Variants in ASTN2 observed in about 807,000 individuals in gnomAD.
ASTN2 encodes the protein astrotactin-2.
Under a neutral mutation model 139.8 loss-of-function variants are expected in ASTN2, and 54 were observed. The ratio of observed to expected loss-of-function variants is 0.39; its 90% CI spans 0.31 to 0.48. ASTN2 has a LOEUF of 0.48. Among genes scored for constraint, ASTN2 ranks in the 20% least tolerant of loss-of-function variants. The probability of loss-of-function intolerance (pLI) is 0.95; values close to 1 mark genes in which losing one functional copy is unlikely to be tolerated. For missense variants in ASTN2, 1,565 were observed against 1,725.1 expected, an observed-to-expected ratio of 0.91 and a Z score of 1.64; for synonymous variants, 756 against 719.5, an observed-to-expected ratio of 1.05 and a Z score of -0.81.
intron 16 of ASTN2, among the ~76,000 whole-genome samples, chr9:116,690,157 A>G (rs1239049060): frequency 6.6e-6 from 1 of 152,196 alleles, no homozygotes; most frequent in Non-Finnish European, 1.5e-5. Flanking sequence ...CTAATTTCCT[A>G]TGTTACCTTG....
chr9:117,318,984 G>T (rs1587942999), intron 1 of ASTN2, among the ~76,000 whole-genome samples: 2 of 152,310 alleles, frequency 1.3e-5, no homozygotes, highest in South Asian at 2.1e-4. Context: ...AGGCCCATTT[G>T]TTTTCTACAG....
intron 11 of ASTN2, among the ~76,000 whole-genome samples, chr9:116,846,012 T>G (rs1832420073): frequency 6.6e-6 from 1 of 152,178 alleles, no homozygotes; most frequent in African/African-American, 2.4e-5. Flanking sequence ...CAATGGAATA[T>G]TATTCAGCCT....
chr9:117,165,060 G>T (rs1830639491), intron 3 of ASTN2, among the ~76,000 whole-genome samples: 1 of 151,966 alleles, frequency 6.6e-6, no homozygotes, highest in Non-Finnish European at 1.5e-5. Context: ...TCTGACTTCA[G>T]AGCCCACACT....
chr9:116,873,561 C>T (rs984155634), intron 10 of ASTN2, among the ~76,000 whole-genome samples: 22 of 152,142 alleles, frequency 1.4e-4, no homozygotes, highest in African/African-American at 5.1e-4. Flanking sequence ...GAATTTATGA[C>T]ATGAGAACTT....
intron 6 of ASTN2, among the ~76,000 whole-genome samples, chr9:117,031,810 G>C (rs1180709444): frequency 6.6e-6 from 1 of 152,128 alleles, no homozygotes; most frequent in Non-Finnish European, 1.5e-5. Context: ...CGTAAGACTG[G>C]AAAGGCGGGC....
intron 11 of ASTN2, among the ~76,000 whole-genome samples, chr9:116,838,112 TTTTGTTTTG>T (rs1564295672): frequency 6.7e-5 from 9 of 133,864 alleles, no homozygotes; most frequent in Admixed American, 1.5e-4. Context: ...TTTTTTTTTG[TTTTGTTTTG>T]TTTTTTGAGA....
At chr9:117,368,317 A>C (rs1251315894) in intron 1 of ASTN2, among the ~76,000 whole-genome samples, 1 of 152,078 alleles carries the variant, frequency 6.6e-6, no homozygotes, top group Non-Finnish European at 1.5e-5. Context: ...TCACAATTTA[A>C]TCTTATACTC....
chr9:117,037,930 A>T (rs973775520), intron 6 of ASTN2, among the ~76,000 whole-genome samples: 1 of 152,162 alleles, frequency 6.6e-6, no homozygotes, highest in Admixed American at 6.6e-5. Flanking sequence ...CTCCCCCACC[A>T]CACATTTACT....
At chr9:116,600,761 T>A (rs1367820415) in intron 19 of ASTN2, among the ~76,000 whole-genome samples, 1 of 152,192 alleles carries the variant, frequency 6.6e-6, no homozygotes, top group Non-Finnish European at 1.5e-5. Flanking sequence ...TTAAATTCCA[T>A]ACTCAGAATT....
chr9:116,616,567 T>C (rs1044440505), intron 19 of ASTN2, among the ~76,000 whole-genome samples: 2 of 152,206 alleles, frequency 1.3e-5, no homozygotes, highest in Admixed American at 6.5e-5. Flanking sequence ...ACTTACTTTA[T>C]CTGTAGAACA....
At chr9:117,241,530 G>C (rs1352964423) in intron 2 of ASTN2, among the ~76,000 whole-genome samples, 1 of 152,290 alleles carries the variant, frequency 6.6e-6, no homozygotes, top group South Asian at 2.1e-4. Context: ...CAGATCATCA[G>C]GCATGAGTTG....
At chr9:116,685,471 G>A (rs803896) in intron 16 of ASTN2, among the ~76,000 whole-genome samples, 60,019 of 151,908 alleles carry the variant, frequency 0.4, 12,782 homozygotes, top group Admixed American at 0.51. Flanking sequence ...CTAGGCAGTG[G>A]GCAAGGTAAA....
chr9:116,720,121 TCTC>T (rs1269100464), intron 16 of ASTN2, among the ~76,000 whole-genome samples: 1 of 152,042 alleles, frequency 6.6e-6, no homozygotes, highest in Non-Finnish European at 1.5e-5. Context: ...ATCATTCCCT[TCTC>T]CTCCTCCACC....
At chr9:117,246,267 C>T (rs560819379) in intron 2 of ASTN2, among the ~76,000 whole-genome samples, 31 of 152,278 alleles carry the variant, frequency 2.0e-4, no homozygotes, top group Admixed American at 7.2e-4. Context: ...CACACTTGCT[C>T]AATGTGTCAC....
chr9:116,830,592 GA>G (rs1163887822), intron 11 of ASTN2, among the ~76,000 whole-genome samples: 1 of 151,734 alleles, frequency 6.6e-6, no homozygotes, highest in African/African-American at 2.4e-5. Flanking sequence ...AGGAGTTTGA[GA>G]CCAGCCTGGC....
chr9:117,083,433 A>C (rs917826391), intron 5 of ASTN2, among the ~76,000 whole-genome samples: 10 of 152,182 alleles, frequency 6.6e-5, no homozygotes, highest in Admixed American at 3.3e-4. Context: ...TTACTTGCCC[A>C]AAATCTCCCA....
intron 16 of ASTN2, among the ~76,000 whole-genome samples, chr9:116,652,745 T>C (rs1350856486): frequency 2.0e-5 from 3 of 152,134 alleles, no homozygotes; most frequent in Non-Finnish European, 2.9e-5. Flanking sequence ...AAGACATCAT[T>C]TCTCCTTTTT....
intron 4 of ASTN2, among the ~76,000 whole-genome samples, chr9:117,113,397 T>A (rs1481474631): frequency 2.6e-5 from 4 of 152,224 alleles, no homozygotes; most frequent in Admixed American, 1.3e-4. Context: ...GGCTCACACC[T>A]GCAATCCCAG....
chr9:117,045,118 A>C (rs1194679321), intron 5 of ASTN2, among the ~76,000 whole-genome samples: 1 of 152,096 alleles, frequency 6.6e-6, no homozygotes, highest in Non-Finnish European at 1.5e-5. Context: ...ATCCTGGCTT[A>C]CCCACAAAAT....
Sources: allele counts gnomAD v4.1 joint callset (sites outside exome capture counted in the v4.1 genomes callset), GRCh38; gene constraint gnomAD v4.1.1; transcripts MANE v1.5; gene names NCBI Gene and HGNC (gene_info 2026-07-23, HGNC 2026-07-21).